The following SP3 variants were observed in gnomAD, a reference collection of about 807,000 sequenced individuals.
SP3 encodes the protein transcription factor Sp3.
SP3 carries 10 observed loss-of-function variants against 70.3 expected under a neutral mutation model. The ratio of observed to expected loss-of-function variants is 0.14; its 90% CI spans 0.09 to 0.24. The LOEUF is 0.24. Ranked by LOEUF, SP3 falls within the 10% of genes least tolerant of loss-of-function variation. The pLI is 1.00. For synonymous variants in SP3, 402 were observed against 333.5 expected, an observed-to-expected ratio of 1.21 and a Z score of -2.24; for missense variants, 825 against 914.6, an observed-to-expected ratio of 0.90 and a Z score of 1.26.
rs558941475 is a variant in SP3 at position 173,904,488 on chromosome 2, T to C, written c.*5453A>G. ...GAACCCCAGGAGGATGAAATGCAGATAGTGAAATGCAAGACACTGGAACAA... is the reference window on the plus strand; with the variant it reads ...GAACCCCAGGAGGATGAAATGCAGACAGTGAAATGCAAGACACTGGAACAA... On this transcript the variant is annotated 3_prime_UTR_variant, in exon 7 of 7. Coordinates refer to ENST00000310015, the MANE Select transcript of SP3 (RefSeq NM_003111.5). Among the ~76,000 whole-genome samples the C allele has an allele frequency of 2.3e-4, 35 of 152,304 alleles. No homozygotes were observed.
At chr2:173,911,411 T>C (rs1221392929) in intron 6 of SP3, among the ~76,000 whole-genome samples, 1 of 152,238 alleles carries the variant, frequency 6.6e-6, no homozygotes, top group Admixed American at 6.5e-5. Flanking sequence ...ACCACCATTT[T>C]TCTACTAAAG....
chr2:173,939,450 T>C (rs1273525723), intron 4 of SP3, among the ~76,000 whole-genome samples: 2 of 152,114 alleles, frequency 1.3e-5, no homozygotes, highest in African/African-American at 2.4e-5. Flanking sequence ...TGCAGCATTT[T>C]TGAAATAAGA....
At position 173,963,958 on chromosome 2, in the gene SP3, C is replaced by T. The variant is rs1215879637; in HGVS notation, c.157-75G>A. The T allele has an allele frequency of 4.6e-6, 5 of 1,084,280 alleles. No homozygotes were observed. In the South Asian group the frequency reaches 7.1e-5, roughly 15 times the overall value. 67.2% of individuals were successfully genotyped at this position (1,084,280 alleles called of 1,614,324 possible). ...GGTTAGGGTCGGGCCGCCTTTCGCA[C>T]AGGAAGTACGACTCGGTCCCCGCCG... On this transcript the variant is annotated intron_variant, in intron 2 of 6. Coordinates refer to ENST00000310015, the MANE Select transcript of SP3 (RefSeq NM_003111.5).
chr2:173,917,268 C>T (rs1376622536), intron 5 of SP3, among the ~76,000 whole-genome samples: 1 of 152,000 alleles, frequency 6.6e-6, no homozygotes, highest in Non-Finnish European at 1.5e-5. Flanking sequence ...AAGTTACTGC[C>T]TAGTTAGAAT....
intron 4 of SP3, among the ~76,000 whole-genome samples, chr2:173,938,173 T>A (rs1013682204): frequency 1.3e-5 from 2 of 152,134 alleles, no homozygotes; most frequent in African/African-American, 4.8e-5. Flanking sequence ...AAACACAGAA[T>A]GCAACTATCA....
chr2:173,960,518 T>G lies in SP3; in HGVS notation c.279+3243A>C, dbSNP rs1574428138. 2.0e-5 allele frequency among the ~76,000 whole-genome samples: 3 copies of G among 152,328 alleles called. No individual in the cohort carries two copies. In the East Asian group the frequency reaches 5.8e-4, roughly 29 times the overall value. Reference sequence around the variant, plus strand: ...AAATAGAATTACCCTACCCAATGAATTAGTTACAATGACAGCACAGGTCTT... The same window carrying G: ...AAATAGAATTACCCTACCCAATGAAGTAGTTACAATGACAGCACAGGTCTT... On this transcript the variant is annotated intron_variant, in intron 3 of 6. Coordinates refer to ENST00000310015, the MANE Select transcript of SP3 (RefSeq NM_003111.5).
At chr2:173,925,922 T>G (rs73028236) in intron 4 of SP3, among the ~76,000 whole-genome samples, 6,250 of 152,258 alleles carry the variant, frequency 0.041, 199 homozygotes, top group Admixed American at 0.1. Context: ...TGCTATCCAA[T>G]AAACAGCAGG....
At chr2:173,939,222 G>C (rs1034980877) in intron 4 of SP3, among the ~76,000 whole-genome samples, 2 of 152,122 alleles carry the variant, frequency 1.3e-5, no homozygotes, top group Admixed American at 1.3e-4. Flanking sequence ...TCAATTTAAA[G>C]GTAATGGAAG....
intron 5 of SP3, 112 bp downstream of exon 5, chr2:173,918,481 A>G (rs1238182651): frequency 8.7e-7 from 1 of 1,147,104 alleles, no homozygotes; most frequent in African/African-American, 1.5e-5. Flanking sequence ...ACACACACCA[A>G]AAATGATCAT....
At chr2:173,922,410 A>G (rs1309478154) in intron 4 of SP3, among the ~76,000 whole-genome samples, 1 of 152,018 alleles carries the variant, frequency 6.6e-6, no homozygotes, top group Non-Finnish European at 1.5e-5. Flanking sequence ...CTATTTTGAA[A>G]TATGAAAGTT....
At position 173,956,149 on chromosome 2, in the gene SP3, A is replaced by T. The variant is rs752542663; in HGVS notation, c.363T>A (p.Asp121Glu). Residue 121 changes from aspartate (D) to glutamate (E), a missense_variant, in exon 4 of 7, where the codon GAT becomes GAA. By Grantham distance (45) the Asp-to-Glu change is conservative (BLOSUM62 2). This residue lies in a region of SP3 where 678 missense variants were observed against 651.6 expected (regional missense o/e 1.04). Coordinates refer to ENST00000310015, the MANE Select transcript of SP3 (RefSeq NM_003111.5). ...VLSATPTTIK[D>E]EAGNLVQIPS... ...GAATCTGGACTAGATTACCAGCTTC[A>T]TCTTTTATAGTTGTAGGTGTGGCTG... The T allele has an allele frequency of 1.9e-6, 3 of 1,614,062 alleles. No individual in the cohort carries two copies. Among genetic ancestry groups the T allele is most frequent in the Non-Finnish European group, 2.5e-6 (3 of 1,180,012 alleles).
At position 173,908,827 on chromosome 2, in the gene SP3, A is replaced by G. The variant is rs1352444127; in HGVS notation, c.*1114T>C. ...ATAAAAAACATACGCTTCTCAATTA[A>G]ATGTACTGGATACATATAAATTTTA... On this transcript the variant is annotated 3_prime_UTR_variant, in exon 7 of 7. Transcript: ENST00000310015. 6.6e-6 allele frequency: 1 copy of G among 152,374 alleles called. No individual in the cohort carries two copies. Among genetic ancestry groups the G allele is most frequent in the African/African-American group, 2.4e-5 (1 of 41,428 alleles). The allele number at this position is 152,374 out of a possible 1,614,324, so 9.4% of individuals were successfully genotyped here. A position where few individuals can be genotyped will look rare whatever the true frequency, so the allele number is the denominator to read the frequency against.
At position 173,902,260 on chromosome 2, in the gene SP3, A is replaced by C. The variant is rs571594698; in HGVS notation, c.*7681T>G. The stretch of plus-strand genomic sequence containing the variant: ...TTGCTTTTCTTCCAGATGAATCTAG[A>C]ATCATTTTGTCAAATCCCAAAACAA... On this transcript the variant is annotated 3_prime_UTR_variant, in exon 7 of 7. Coordinates refer to ENST00000310015, the MANE Select transcript of SP3 (RefSeq NM_003111.5). Among the ~76,000 whole-genome samples the C allele has an allele frequency of 2.0e-5, 3 of 152,356 alleles. No individual in the cohort carries two copies. Among genetic ancestry groups the C allele is most frequent in the Non-Finnish European group, 4.4e-5 (3 of 68,038 alleles).
chr2:173,964,732 CCCGCCCGCCGCTGCCT>C, intron 1 of SP3, 179 bp from the exon 2 acceptor site: 1 of 404,494 alleles, frequency 2.5e-6, no homozygotes, highest in Non-Finnish European at 4.4e-6. Context: ...TGCTGCTGCC[CCCGCCCGCCGCTGCCT>C]GTAACCCTCC....
intron 4 of SP3, among the ~76,000 whole-genome samples, chr2:173,950,264 G>A (rs77318797): frequency 0.01 from 1,566 of 151,744 alleles, 30 homozygotes; most frequent in African/African-American, 0.035. Flanking sequence ...TTTGTTAAAG[G>A]GGTCCTTTAA....
Position 173,949,038 on chromosome 2 carries a change from T to C in SP3, c.1639+5835A>G, listed in dbSNP as rs185740666. 1.7e-3 allele frequency among the ~76,000 whole-genome samples: 260 copies of C among 152,254 alleles called. 1 individual carries two copies. The highest frequency in any genetic ancestry group is 2.2e-3 in the Non-Finnish European group (152 of 67,980). On this transcript the variant is annotated intron_variant, in intron 4 of 6. Coordinates refer to ENST00000310015, the MANE Select transcript of SP3 (RefSeq NM_003111.5). ...AAAAGTCTTACACAACAACCTTTTA[T>C]GTTGTGTAAGAGGGGCAAAAGGAGA...
Position 173,956,243 on chromosome 2 carries a change from A to C in SP3, c.280-11T>G, listed in dbSNP as rs1356462579. The C allele has an allele frequency of 6.4e-7, 1 of 1,564,430 alleles. No individual in the cohort carries two copies. The highest frequency in any genetic ancestry group is 2.0e-5 in the Admixed American group (1 of 51,160). On this transcript the variant is annotated splice_polypyrimidine_tract_variant and intron_variant, in intron 3 of 6. Transcript: ENST00000310015. The stretch of plus-strand genomic sequence containing the variant: ...AGCCAAATCACCTGTCTGGATGAAG[A>C]AAACAAAAAGGTGATATATTTGTGG...
intron 4 of SP3, among the ~76,000 whole-genome samples, chr2:173,944,891 TG>T (rs1478883119): frequency 6.6e-6 from 1 of 152,180 alleles, no homozygotes; most frequent in African/African-American, 2.4e-5. Context: ...CCAAGGCAGC[TG>T]GATCACTTGA....
rs1003761606 is a variant in SP3 at position 173,904,313 on chromosome 2, T to C, written c.*5628A>G. Among the ~76,000 whole-genome samples the C allele has an allele frequency of 1.3e-5, 2 of 152,046 alleles. No individual in the cohort carries two copies. The highest frequency in any genetic ancestry group is 2.9e-5 in the Non-Finnish European group (2 of 67,994). ...GGGTTGGGGACCCTTTTCTATAGGA[T>C]CAAGTCATCAACTCTATGGTGTTTT... is the stretch of plus-strand genomic sequence containing the variant. On this transcript the variant is annotated 3_prime_UTR_variant, in exon 7 of 7. Transcript: ENST00000310015.
Sources: allele counts gnomAD v4.1 joint callset (sites outside exome capture counted in the v4.1 genomes callset), GRCh38; gene constraint gnomAD v4.1.1; regional missense constraint gnomAD v4.1.1; transcripts MANE v1.5; gene names NCBI Gene and HGNC (gene_info 2026-07-23, HGNC 2026-07-21).